Variants in TTC6 observed in about 807,000 individuals in gnomAD.
TTC6 encodes the protein tetratricopeptide repeat protein 6.
In TTC6, 172 loss-of-function variants were observed where a neutral mutation model predicts 210.4. The observed-to-expected ratio is 0.82, with a 90% CI of 0.72 to 0.93. The LOEUF (loss-of-function observed/expected upper bound fraction) is 0.93, where lower values mean the gene tolerates loss of function less well. TTC6 is among the 40% of genes least tolerant of loss of function. The pLI, the probability that TTC6 is intolerant of heterozygous loss-of-function variation, is 0.00. For missense variants in TTC6, 2,414 were observed against 2,318.1 expected, an observed-to-expected ratio of 1.04 and a Z score of -0.85; for synonymous variants, 804 against 819.6, an observed-to-expected ratio of 0.98 and a Z score of 0.32.
intron 25 of TTC6, among the ~76,000 whole-genome samples, chr14:37,814,049 A>G (rs946181742): frequency 2.0e-5 from 3 of 152,130 alleles, no homozygotes; most frequent in Non-Finnish European, 4.4e-5. Context: ...TGCTAGAGAA[A>G]TCTCTTAAAA....
chr14:37,622,487 G>C, exon 1 of TTC6: 1 of 1,535,196 alleles, frequency 6.5e-7, no homozygotes, highest in Non-Finnish European at 8.7e-7. Context: ...TCATCGCCTC[G>C]GGGTTCGGCA....
At chr14:37,725,475 T>C (rs71407725) in intron 7 of TTC6, among the ~76,000 whole-genome samples, 8,595 of 150,650 alleles carry the variant, frequency 0.057, 378 homozygotes, top group Non-Finnish European at 0.089. Flanking sequence ...CTCAGCCTCC[T>C]GAGTAGCTAG....
chr14:37,796,164 A>G (rs2096092259), intron 18 of TTC6, 130 bp from the exon 21 acceptor site: 2 of 411,804 alleles, frequency 4.9e-6, no homozygotes, highest in Non-Finnish European at 8.9e-6. Context: ...TATAATTTTC[A>G]CTTTTTTATG....
chr14:37,779,460 C>A (rs535110254), intron 14 of TTC6, among the ~76,000 whole-genome samples: 2 of 152,102 alleles, frequency 1.3e-5, no homozygotes, highest in South Asian at 2.1e-4. Context: ...ACTGCATTTT[C>A]TTTGTCTTTA....
intron 25 of TTC6, among the ~76,000 whole-genome samples, chr14:37,814,424 T>TA (rs1340175453): frequency 6.6e-6 from 1 of 151,742 alleles, no homozygotes; most frequent in South Asian, 2.1e-4. Context: ...AAATGGAATA[T>TA]AAAAAAATAT....
chr14:37,597,267 T>G (rs1419755953), intron 1 of TTC6, among the ~76,000 whole-genome samples: 1 of 152,152 alleles, frequency 6.6e-6, no homozygotes, highest in Non-Finnish European at 1.5e-5. Flanking sequence ...ATGCTTAGCT[T>G]CCTGGGCCTG....
intron 12 of TTC6, 70 bp from the exon 15 acceptor site, chr14:37,750,983 A>T: frequency 1.0e-6 from 1 of 966,698 alleles, no homozygotes; most frequent in South Asian, 2.3e-5. Context: ...AGGGAGAGGG[A>T]TTACTCTTAA....
In TTC6 at chr14:37,727,546, G is replaced by A. The variant is rs59892468; in HGVS notation, c.1818+2544G>A. 9.6e-4 allele frequency among the ~76,000 whole-genome samples: 146 copies of A among 151,888 alleles called. 1 individual carries two copies. The East Asian group carries it at 0.013, about 14-fold the overall frequency. On this transcript the variant is annotated intron_variant, in intron 7 of 30. Transcript: ENST00000553443. ...CTGACCTTGTGATCCGCCCGCCTTG[G>A]CCTCCCAAAGTTCTGGGATTACAGG...
intron 7 of TTC6, among the ~76,000 whole-genome samples, chr14:37,731,654 C>G (rs965996769): frequency 1.3e-5 from 2 of 152,198 alleles, no homozygotes; most frequent in East Asian, 1.9e-4. Flanking sequence ...TGAGTCAAAA[C>G]TTTCAGTAAC....
Position 37,748,962 on chromosome 14 carries a change from C to T in TTC6, c.2387C>T (p.Pro796Leu), listed in dbSNP as rs560230279. ...AGATCAGCATCTCATGGAATACTTCCGGGACAGAAGAAATATTTGTTCAAA... is the reference window on the plus strand; with the variant it reads ...AGATCAGCATCTCATGGAATACTTCTGGGACAGAAGAAATATTTGTTCAAA... Residue 796 changes from proline to leucine, a missense_variant, in exon 11 of 31, where the codon CCG (proline) becomes CTG (leucine). Coordinates refer to ENST00000553443, the Ensembl canonical transcript of TTC6. 621 of 1,519,582 alleles carry T rather than the reference C, an allele frequency of 4.1e-4. 1 individual carries two copies. Among genetic ancestry groups the T allele is most frequent in the Non-Finnish European group, 5.1e-4 (581 of 1,139,002 alleles). 94.1% of individuals were successfully genotyped at this position (1,519,582 alleles called of 1,614,324 possible).
At position 37,781,609 on chromosome 14, in the gene TTC6, G is replaced by T. The variant is rs1300207229; in HGVS notation, c.3267-5859G>T. Among the ~76,000 whole-genome samples, 4 of 152,140 alleles carry T rather than the reference G, an allele frequency of 2.6e-5. No homozygotes were observed. In the South Asian group the frequency reaches 6.2e-4, roughly 24 times the overall value. On this transcript the variant is annotated intron_variant, in intron 14 of 30. Coordinates refer to ENST00000553443, the Ensembl canonical transcript of TTC6. ...CACTCTGATGGTAGTTTCTTTTGCG[G>T]TGCAGAAGCTCTTTAGTTTAATCAG...
intron 29 of TTC6, among the ~76,000 whole-genome samples, chr14:37,833,125 C>A (rs977721531): frequency 1.3e-5 from 2 of 150,538 alleles, no homozygotes; most frequent in Non-Finnish European, 3.0e-5. Context: ...CTGCAAGATT[C>A]ATTTGGTCTG....
chr14:37,743,578 T>C lies in TTC6; in HGVS notation c.2363+4423T>C, dbSNP rs189851398. On this transcript the variant is annotated intron_variant, in intron 10 of 30. Coordinates refer to ENST00000553443, the Ensembl canonical transcript of TTC6. ...TAACAAAGCTGTATGTATATGCATG[T>C]ATGTGTGTATAATAGTGCTTGTATA... is the stretch of plus-strand genomic sequence containing the variant. 2.8e-3 allele frequency among the ~76,000 whole-genome samples: 433 copies of C among 152,332 alleles called. 3 individuals are homozygous for C. The highest frequency in any genetic ancestry group is 9.4e-3 in the African/African-American group (391 of 41,580).
chr14:37,624,543 G>A (rs2095656893), intron 1 of TTC6, among the ~76,000 whole-genome samples: 1 of 152,180 alleles, frequency 6.6e-6, no homozygotes, highest in South Asian at 2.1e-4. Flanking sequence ...TGGACTTAGG[G>A]ATATATGAAG....
chr14:37,782,922 G>C (rs1340789298), intron 14 of TTC6, among the ~76,000 whole-genome samples: 3 of 152,120 alleles, frequency 2.0e-5, no homozygotes, highest in Non-Finnish European at 4.4e-5. Context: ...TTATATGCTG[G>C]ATTACATTTA....
Position 37,739,079 on chromosome 14 carries a change from T to C in TTC6, c.2287T>C (p.Trp763Arg), listed in dbSNP as rs1362551184. The change falls in exon 10 of 31, where the codon TGG (tryptophan) becomes CGG (arginine). Residue 763 changes from tryptophan (W) to arginine (R), a missense_variant. Transcript: ENST00000553443. ...TTATCCCAAGAAAAAGAAGATGAGA[T>C]GGAAGAAAAGATTGAAACAACAAAA... 3.3e-6 allele frequency: 5 copies of C among 1,532,524 alleles called. No homozygotes were observed. The South Asian group carries it at 6.0e-5, about 18-fold the overall frequency. The allele number at this position is 1,532,524 out of a possible 1,614,324, so 94.9% of individuals were successfully genotyped here.
chr14:37,782,245 C>A (rs1806669456), intron 14 of TTC6, among the ~76,000 whole-genome samples: 1 of 152,130 alleles, frequency 6.6e-6, no homozygotes, highest in African/African-American at 2.4e-5. Flanking sequence ...GATATTGATT[C>A]TTCCTATCCA....
intron 1 of TTC6, among the ~76,000 whole-genome samples, chr14:37,599,866 C>G (rs1462528223): frequency 6.6e-6 from 1 of 152,158 alleles, no homozygotes; most frequent in Non-Finnish European, 1.5e-5. Context: ...CCTGGGTCCC[C>G]GCGGCCGCGC....
At chr14:37,835,953 T>A (rs2096196930) in intron 29 of TTC6, among the ~76,000 whole-genome samples, 1 of 152,144 alleles carries the variant, frequency 6.6e-6, no homozygotes, top group Non-Finnish European at 1.5e-5. Context: ...ATCTCTACAT[T>A]TCTCTGCTCA....
Sources: allele counts gnomAD v4.1 joint callset (sites outside exome capture counted in the v4.1 genomes callset), GRCh38; gene constraint gnomAD v4.1.1; transcripts MANE v1.5; gene names NCBI Gene and HGNC (gene_info 2026-07-23, HGNC 2026-07-21).